The following ST3GAL2 variants were observed in gnomAD, a reference collection of about 807,000 sequenced individuals.
ST3GAL2 encodes ST3 beta-galactoside alpha-2,3-sialyltransferase 2.
Under a neutral mutation model 37.5 loss-of-function variants are expected in ST3GAL2, and 16 were observed. The observed-to-expected ratio is 0.43, with a 90% CI of 0.29 to 0.65. The LOEUF (loss-of-function observed/expected upper bound fraction) is 0.65. ST3GAL2 is among the 30% of genes least tolerant of loss of function. The pLI, the probability that ST3GAL2 is intolerant of heterozygous loss-of-function variation, is 0.17. For synonymous variants in ST3GAL2, 238 were observed against 202.9 expected, an observed-to-expected ratio of 1.17 and a Z score of -1.47; for missense variants, 383 against 487.8, an observed-to-expected ratio of 0.79 and a Z score of 2.02.
intron 3 of ST3GAL2, 98 bp downstream of exon 3, chr16:70,394,884 T>C: frequency 7.2e-7 from 1 of 1,389,150 alleles, no homozygotes; most frequent in Non-Finnish European, 9.8e-7. Flanking sequence ...AGCACACCGG[T>C]AGCTGGCAGC....
At position 70,409,875 on chromosome 16, in the gene ST3GAL2, C is replaced by CA. The variant is rs558587573; in HGVS notation, c.-1003-10343dup. ...GTTCCCCAGGCTGGACTTGAACTCTCAGACTCCTGCCTCAGCCTCCCAAGT... is the reference window on the plus strand; with the variant it reads ...GTTCCCCAGGCTGGACTTGAACTCTCAAGACTCCTGCCTCAGCCTCCCAAGT... On this transcript the variant is annotated intron_variant, in intron 1 of 6. Coordinates refer to ENST00000342907, the MANE Select transcript of ST3GAL2 (RefSeq NM_006927.4). Among the ~76,000 whole-genome samples the CA allele has an allele frequency of 4.9e-3, 725 of 148,220 alleles. 10 individuals carry two copies. The highest frequency in any genetic ancestry group is 0.017 in the African/African-American group (684 of 39,862).
chr16:70,414,080 T>C (rs2047658710), intron 1 of ST3GAL2, among the ~76,000 whole-genome samples: 1 of 152,238 alleles, frequency 6.6e-6, no homozygotes, highest in Non-Finnish European at 1.5e-5. Context: ...TATCTTTTTA[T>C]GTATTACTGC....
chr16:70,410,210 C>T (rs2047627162), intron 1 of ST3GAL2, among the ~76,000 whole-genome samples: 1 of 128,880 alleles, frequency 7.8e-6, no homozygotes, highest in Admixed American at 7.9e-5. Flanking sequence ...CTTTTCCTGA[C>T]TTGGGTTGAC....
chr16:70,388,578 A>T, intron 3 of ST3GAL2, 32 bp from the exon 4 acceptor site: 1 of 1,535,226 alleles, frequency 6.5e-7, no homozygotes, highest in Non-Finnish European at 8.8e-7. Context: ...ATGAGAATCA[A>T]CTGCCATGGA....
intron 3 of ST3GAL2, among the ~76,000 whole-genome samples, chr16:70,388,769 T>G (rs2047460543): frequency 6.6e-6 from 1 of 151,720 alleles, no homozygotes; most frequent in Non-Finnish European, 1.5e-5. Context: ...AACACCAGAA[T>G]CAATCAAACA....
In ST3GAL2 at chr16:70,378,137, A is replaced by C. The variant is rs548625154; in HGVS notation, c.*3552T>G. 7.2e-5 allele frequency: 11 copies of C among 152,288 alleles called. No individual in the cohort carries two copies. Among genetic ancestry groups the C allele is most frequent in the African/African-American group, 2.6e-4 (11 of 41,554 alleles). 9.4% of individuals were successfully genotyped at this position (152,288 alleles called of 1,614,324 possible). ...TAGAATGATATTTATAGGAGTTTTA[A>C]AAATCTATTATGGGCTGGGTGTGGT... On this transcript the variant is annotated 3_prime_UTR_variant, in exon 7 of 7. Coordinates refer to ENST00000342907, the MANE Select transcript of ST3GAL2 (RefSeq NM_006927.4).
chr16:70,424,238 A>G (rs540727799), intron 1 of ST3GAL2, among the ~76,000 whole-genome samples: 83 of 139,350 alleles, frequency 6.0e-4, no homozygotes, highest in Admixed American at 1.6e-3. Context: ...CAGGTGATCC[A>G]CCTGCCTCGG....
At position 70,380,260 on chromosome 16, in the gene ST3GAL2, A is replaced by G. The variant is rs1432389373; in HGVS notation, c.*1429T>C. The G allele has an allele frequency of 2.6e-5, 4 of 152,172 alleles. No homozygotes were observed. The East Asian group carries it at 5.8e-4, about 22-fold the overall frequency. 9.4% of individuals were successfully genotyped at this position (152,172 alleles called of 1,614,324 possible). A position where few individuals can be genotyped will look rare whatever the true frequency, so the allele number is the denominator to read the frequency against. The stretch of plus-strand genomic sequence containing the variant: ...CCACTGCCCATCCCAACCCTCCCCT[A>G]ACAAAGTCCCCTGCCGGTCCCTGTT... On this transcript the variant is annotated 3_prime_UTR_variant, in exon 7 of 7. Coordinates refer to ENST00000342907, the MANE Select transcript of ST3GAL2 (RefSeq NM_006927.4).
intron 1 of ST3GAL2, among the ~76,000 whole-genome samples, chr16:70,402,910 C>G (rs1439596026): frequency 6.6e-6 from 1 of 152,164 alleles, no homozygotes; most frequent in African/African-American, 2.4e-5. Context: ...CTCAGCCTCC[C>G]AAAGTGCTGG....
At chr16:70,429,638 C>CTTTTT (rs1027728995) in intron 1 of ST3GAL2, among the ~76,000 whole-genome samples, 7 of 89,998 alleles carry the variant, frequency 7.8e-5, no homozygotes, top group African/African-American at 1.4e-4. Flanking sequence ...GCTTTAAATT[C>CTTTTT]TTTTTTTTTT....
intron 1 of ST3GAL2, among the ~76,000 whole-genome samples, chr16:70,433,895 G>A (rs1205914572): frequency 6.6e-6 from 1 of 152,196 alleles, no homozygotes; most frequent in Non-Finnish European, 1.5e-5. Flanking sequence ...TGTGCCTTGT[G>A]ATAGCCTTTC....
intron 2 of ST3GAL2, among the ~76,000 whole-genome samples, chr16:70,396,286 A>G (rs1484445537): frequency 7.8e-6 from 1 of 128,648 alleles, no homozygotes; most frequent in Non-Finnish European, 1.7e-5. Context: ...AAGTGCTGGA[A>G]TTATTTTTAC....
intron 1 of ST3GAL2, among the ~76,000 whole-genome samples, chr16:70,429,829 G>A (rs2047777295): frequency 6.6e-6 from 1 of 151,834 alleles, no homozygotes; most frequent in Non-Finnish European, 1.5e-5. Flanking sequence ...TGTTAGTAGA[G>A]ATAGGGTTTT....
chr16:70,397,586 A>G (rs112403423), intron 2 of ST3GAL2, among the ~76,000 whole-genome samples: 106 of 151,826 alleles, frequency 7.0e-4, no homozygotes, highest in African/African-American at 2.5e-3. Context: ...ATTAGCTGAG[A>G]GGGGTGGTGC....
At chr16:70,411,769 C>A (rs1444049501) in intron 1 of ST3GAL2, among the ~76,000 whole-genome samples, 1 of 152,062 alleles carries the variant, frequency 6.6e-6, no homozygotes, top group Admixed American at 6.6e-5. Flanking sequence ...CTGAGGCAGG[C>A]GGATCACCTG....
In ST3GAL2 at chr16:70,431,985, A is replaced by ATATATATATATT. The variant is rs1454729972; in HGVS notation, c.-1004+6963_-1004+6964insAATATATATATA. Among the ~76,000 whole-genome samples the ATATATATATATT allele has an allele frequency of 1.2e-3, 160 of 139,042 alleles. 1 individual carries two copies. The highest frequency in any genetic ancestry group is 4.8e-3 in the African/African-American group (151 of 31,366). The allele number at this position is 139,042 out of a possible 152,430, so 91.2% of individuals were successfully genotyped here. A position where few individuals can be genotyped will look rare whatever the true frequency, so the allele number is the denominator to read the frequency against. ...TCTTAAAAAAAATATATATATATAT[A>ATATATATATATT]TTTTTTTTTAACTTAGCTGGGCACA... On this transcript the variant is annotated intron_variant, in intron 1 of 6. Coordinates refer to ENST00000342907, the MANE Select transcript of ST3GAL2 (RefSeq NM_006927.4).
At position 70,380,649 on chromosome 16, in the gene ST3GAL2, G is replaced by A. The variant is rs1325369593; in HGVS notation, c.*1040C>T. The A allele has an allele frequency of 6.6e-6, 1 of 152,396 alleles. No homozygotes were observed. Among genetic ancestry groups the A allele is most frequent in the East Asian group, 1.9e-4 (1 of 5,208 alleles). 9.4% of individuals were successfully genotyped at this position (152,396 alleles called of 1,614,324 possible). A position where few individuals can be genotyped will look rare whatever the true frequency, so the allele number is the denominator to read the frequency against. On this transcript the variant is annotated 3_prime_UTR_variant, in exon 7 of 7. Transcript: ENST00000342907. ...CCCGGCTGCGAGCTCTGCCAGCTCA[G>A]AATTTGCAAAGAATCTGCGGTTTGG...
chr16:70,408,913 A>AAAAAAAAAAAAAG (rs2047614721), intron 1 of ST3GAL2, among the ~76,000 whole-genome samples: 1 of 124,402 alleles, frequency 8.0e-6, no homozygotes, highest in Non-Finnish European at 1.6e-5. Context: ...AAAAAAAAAA[A>AAAAAAAAAAAAAG]AAAAAAAAAA....
Position 70,395,016 on chromosome 16 carries a change from C to G in ST3GAL2, c.499G>C (p.Gly167Arg). The stretch of plus-strand genomic sequence containing the variant: ...AAGTTGTGCCCGTCCACGTCCTGCC[C>G]ATAGCCAGAGCCCCGCAGGTTGCCC... ...NSGNLRGSGY[G>R]QDVDGHNFIM... The change falls in exon 3 of 7, where the codon GGG (glycine) becomes CGG (arginine). Residue 167 changes from glycine to arginine, a missense_variant. Physicochemically the swap from Gly to Arg is moderately radical, Grantham distance 125 (BLOSUM62 -2). This residue lies in a region of ST3GAL2 where 223 missense variants were observed against 239.1 expected (regional missense o/e 0.93). Coordinates refer to ENST00000342907, the MANE Select transcript of ST3GAL2 (RefSeq NM_006927.4). The G allele has an allele frequency of 6.2e-7, 1 of 1,613,932 alleles. No individual in the cohort carries two copies. Among genetic ancestry groups the G allele is most frequent in the Non-Finnish European group, 8.5e-7 (1 of 1,179,960 alleles).
Sources: allele counts gnomAD v4.1 joint callset (sites outside exome capture counted in the v4.1 genomes callset), GRCh38; gene constraint gnomAD v4.1.1; regional missense constraint gnomAD v4.1.1; transcripts MANE v1.5; gene names NCBI Gene and HGNC (gene_info 2026-07-23, HGNC 2026-07-21).